Variants in HEATR1 observed in about 807,000 individuals in gnomAD.
The protein encoded by HEATR1 is HEAT repeat containing 1.
Under a neutral mutation model 248.2 loss-of-function variants are expected in HEATR1, and 77 were observed. That is an observed-to-expected ratio of 0.31 (90% CI 0.26 to 0.37). The LOEUF (loss-of-function observed/expected upper bound fraction) is 0.37, where lower values mean the gene tolerates loss of function less well. Among genes scored for constraint, HEATR1 ranks in the 10% least tolerant of loss-of-function variants. HEATR1 has a pLI of 1.00. For synonymous variants in HEATR1, 897 were observed against 923.1 expected, an observed-to-expected ratio of 0.97 and a Z score of 0.51; for missense variants, 2,420 against 2,504.9, an observed-to-expected ratio of 0.97 and a Z score of 0.72.
intron 44 of HEATR1, chr1:236,551,208 GA>G (rs1230753349): frequency 2.0e-6 from 1 of 510,056 alleles, no homozygotes; most frequent in Non-Finnish European, 3.4e-6. Context: ...ACTGGAAGCT[GA>G]ATAAGAATCC....
At chr1:236,568,899 A>AAAAAC in intron 29 of HEATR1, 97 bp downstream of exon 29, 2 of 543,212 alleles carry the variant, frequency 3.7e-6, no homozygotes, top group Non-Finnish European at 5.2e-6. Context: ...AAAAAAAAAC[A>AAAAAC]AAAAAAAAAA....
intron 23 of HEATR1, 123 bp from the exon 24 acceptor site, chr1:236,574,456 G>A (rs1192758227): frequency 7.7e-7 from 1 of 1,302,208 alleles, no homozygotes; most frequent in African/African-American, 1.5e-5. Flanking sequence ...CAGTTAAAAT[G>A]CAATTCTTTT....
chr1:236,590,899 G>C lies in HEATR1; in HGVS notation c.1478C>G (p.Pro493Arg), dbSNP rs753474949. ...LMLSLNHPLA[P>R]VRILAMNHLK... ...ATGATTCATGGCCAGAATTCTCACAGGAGCAAGTGGATGATTCAGGCTGAG... is the reference window on the plus strand; with the variant it reads ...ATGATTCATGGCCAGAATTCTCACACGAGCAAGTGGATGATTCAGGCTGAG... Residue 493 changes from proline (P) to arginine (R), a missense_variant, in exon 12 of 45, where the codon CCT becomes CGT. Physicochemically the swap from Pro to Arg is moderately radical, Grantham distance 103. Coordinates refer to ENST00000366582, the MANE Select transcript of HEATR1 (RefSeq NM_018072.6). 9.9e-6 allele frequency: 15 copies of C among 1,521,072 alleles called. No individual in the cohort carries two copies. The Admixed American group carries it at 1.1e-4, about 11-fold the overall frequency. The allele number at this position is 1,521,072 out of a possible 1,614,324, so 94.2% of individuals were successfully genotyped here.
In HEATR1 at chr1:236,549,397, G is replaced by T. The variant is rs917857901; in HGVS notation, c.*1505C>A. The stretch of plus-strand genomic sequence containing the variant: ...GGTTTGGGAGTGGGGAGGGAAAAAA[G>T]CTCAGTCAGTGAGGATCATTTTATC... On this transcript the variant is annotated 3_prime_UTR_variant, in exon 45 of 45. Coordinates refer to ENST00000366582, the MANE Select transcript of HEATR1 (RefSeq NM_018072.6). The T allele has an allele frequency of 6.1e-6, 1 of 162,846 alleles. No individual in the cohort carries two copies. The highest frequency in any genetic ancestry group is 1.3e-5 in the Non-Finnish European group (1 of 75,280). 10.1% of individuals were successfully genotyped at this position (162,846 alleles called of 1,614,324 possible). A position where few individuals can be genotyped will look rare whatever the true frequency, so the allele number is the denominator to read the frequency against.
rs749402283 is a variant in HEATR1, at chr1:236,571,455, TCTC to T, written c.3841_3843del (p.Glu1281del). On this transcript the variant is annotated inframe_deletion, in exon 28 of 45. Coordinates refer to ENST00000366582, the MANE Select transcript of HEATR1 (RefSeq NM_018072.6). ...TGAACTATCAACTCCACGTTGAACT[TCTC>T]CTCATCTAAAATATCTACAATGGTG... 20 of 1,613,974 alleles carry T rather than the reference TCTC, an allele frequency of 1.2e-5. No homozygotes were observed. The South Asian group carries it at 1.6e-4, about 13-fold the overall frequency.
At chr1:236,571,986 C>T (rs774638412) in intron 26 of HEATR1, among the ~76,000 whole-genome samples, 6 of 152,158 alleles carry the variant, frequency 3.9e-5, no homozygotes, top group East Asian at 3.9e-4. Flanking sequence ...TGAAAGCACA[C>T]GCTACAATTC....
chr1:236,602,995 A>G (rs969405963), intron 3 of HEATR1, 165 bp downstream of exon 3: 6 of 598,636 alleles, frequency 1.0e-5, no homozygotes, highest in African/African-American at 9.3e-5. Context: ...TCAACAAAAA[A>G]GAATTTAAAG....
At chr1:236,553,787 CTTCTGTTTG>C in intron 42 of HEATR1, 48 bp from the exon 43 acceptor site, 1 of 1,551,878 alleles carries the variant, frequency 6.4e-7, no homozygotes, top group Admixed American at 2.0e-5. Flanking sequence ...TCATTTCTTT[CTTCTGTTTG>C]AAAAAATATC....
intron 26 of HEATR1, 149 bp downstream of exon 26, chr1:236,572,261 TA>T: frequency 1.0e-6 from 1 of 956,314 alleles, no homozygotes; most frequent in Non-Finnish European, 1.5e-6. Flanking sequence ...AATGGATACC[TA>T]AAACCAATCT....
At chr1:236,580,976 C>A (rs527666559) in intron 20 of HEATR1, among the ~76,000 whole-genome samples, 5 of 151,844 alleles carry the variant, frequency 3.3e-5, no homozygotes, top group Admixed American at 6.6e-5. Flanking sequence ...CATGCCACCA[C>A]GCCCAGCTAA....
rs1047185655 is a variant in HEATR1, at chr1:236,596,993, A to G, written c.604-17T>C. On this transcript the variant is annotated splice_polypyrimidine_tract_variant and intron_variant, in intron 5 of 44. Transcript: ENST00000366582. ...AGCAAAAACCTGAAACAAGGAACAC[A>G]AACAAAACACATTTAACAGTGAAAG... 6 of 1,608,702 alleles carry G rather than the reference A, an allele frequency of 3.7e-6. No homozygotes were observed. Among genetic ancestry groups the G allele is most frequent in the Non-Finnish European group, 5.1e-6 (6 of 1,178,360 alleles).
intron 20 of HEATR1, among the ~76,000 whole-genome samples, chr1:236,579,188 C>T (rs907365253): frequency 2.6e-5 from 4 of 152,090 alleles, no homozygotes; most frequent in Admixed American, 2.0e-4. Context: ...CCTCATGTGA[C>T]GGGCTGCAGT....
rs1212303194 is a variant in HEATR1 at position 236,555,623 on chromosome 1, A to G, written c.5682T>C (p.Asn1894=). Residue 1894 remains asparagine (N), a synonymous_variant, in exon 40 of 45, where the codon AAT becomes AAC. Coordinates refer to ENST00000366582, the MANE Select transcript of HEATR1 (RefSeq NM_018072.6). ...NDLEEVGKTE[N]CIIDCLVAMV... is the part of the protein sequence containing the mutation. Reference sequence around the variant, plus strand: ...TGGCTACTAGACAGTCAATGATACAATTTTCCGTTTTTCCAACTTCCTCCA... The same window carrying G: ...TGGCTACTAGACAGTCAATGATACAGTTTTCCGTTTTTCCAACTTCCTCCA... The G allele has an allele frequency of 9.3e-6, 15 of 1,614,156 alleles. No individual in the cohort carries two copies. The highest frequency in any genetic ancestry group is 1.3e-5 in the Non-Finnish European group (15 of 1,180,032).
intron 29 of HEATR1, among the ~76,000 whole-genome samples, chr1:236,567,449 G>A (rs952464434): frequency 4.6e-5 from 7 of 152,176 alleles, no homozygotes; most frequent in Non-Finnish European, 8.8e-5. Flanking sequence ...AGTGGCTCAC[G>A]CCTGTAATCC....
intron 17 of HEATR1, among the ~76,000 whole-genome samples, chr1:236,584,765 AGAC>A (rs1469008718): frequency 1.3e-5 from 2 of 152,236 alleles, no homozygotes; most frequent in Non-Finnish European, 2.9e-5. Context: ...TATCCAATAA[AGAC>A]AATAAAAGAG....
intron 20 of HEATR1, among the ~76,000 whole-genome samples, chr1:236,580,631 C>G (rs2103141142): frequency 6.6e-6 from 1 of 151,152 alleles, no homozygotes; most frequent in South Asian, 2.1e-4. Flanking sequence ...ATCTGCCTAC[C>G]TCAGGCAACT....
chr1:236,569,261 G>A, intron 28 of HEATR1, 137 bp from the exon 29 acceptor site: 1 of 583,896 alleles, frequency 1.7e-6, no homozygotes, highest in Non-Finnish European at 2.8e-6. Flanking sequence ...CTGAAACCTT[G>A]GACTCCTAAG....
intron 29 of HEATR1, among the ~76,000 whole-genome samples, chr1:236,568,514 G>A (rs530755707): frequency 1.3e-5 from 2 of 152,276 alleles, no homozygotes; most frequent in South Asian, 4.1e-4. Flanking sequence ...TCCTTACTGG[G>A]AGAGAGAACA....
intron 14 of HEATR1, among the ~76,000 whole-genome samples, chr1:236,586,896 G>A (rs989001015): frequency 1.3e-5 from 2 of 151,780 alleles, no homozygotes; most frequent in African/African-American, 4.8e-5. Flanking sequence ...CTACCCATAC[G>A]ATAGATACAA....
Sources: gnomAD v4.1 joint callset for allele counts (sites outside exome capture counted in the v4.1 genomes callset) on GRCh38, gnomAD v4.1.1 for gene constraint, MANE v1.5 for transcripts, NCBI Gene and HGNC (gene_info 2026-07-23, HGNC 2026-07-21) for gene names.